The following SGCD variants were observed in gnomAD, a reference collection of about 807,000 sequenced individuals.
SGCD encodes delta-sarcoglycan.
In SGCD, 18 loss-of-function variants were observed where a neutral mutation model predicts 36.6. That is an observed-to-expected ratio of 0.49 (90% CI 0.34 to 0.73). The LOEUF (loss-of-function observed/expected upper bound fraction) is 0.73, where lower values mean the gene tolerates loss of function less well. Ranked by LOEUF, SGCD falls within the 30% of genes least tolerant of loss-of-function variation. The pLI, the probability that SGCD is intolerant of heterozygous loss-of-function variation, is 0.01. For synonymous variants in SGCD, 133 were observed against 130.6 expected (o/e 1.02, Z -0.12); for missense variants, 387 against 346.7 (o/e 1.12, Z -0.92).
At chr5:156,148,884 T>G (rs1762769977) in intron 3 of SGCD, among the ~76,000 whole-genome samples, 1 of 152,166 alleles carries the variant, frequency 6.6e-6, no homozygotes, top group Non-Finnish European at 1.5e-5. Flanking sequence ...TAATCTAAAG[T>G]GGGCCCTGGT....
At chr5:156,273,493 G>A (rs149392694) in intron 3 of SGCD, among the ~76,000 whole-genome samples, 143 of 152,276 alleles carry the variant, frequency 9.4e-4, no homozygotes, top group Admixed American at 2.6e-3. Context: ...CAATAGAGCA[G>A]TCTTACTGGC....
chr5:155,952,403 C>T, intron 1 of SGCD, among the ~76,000 whole-genome samples: 1 of 151,766 alleles, frequency 6.6e-6, no homozygotes, highest in Non-Finnish European at 1.5e-5. Context: ...TGTTAGTTGG[C>T]CTTTAGGTGT....
intron 3 of SGCD, among the ~76,000 whole-genome samples, chr5:156,191,018 T>C (rs1370954388): frequency 6.6e-6 from 1 of 152,110 alleles, no homozygotes; most frequent in Non-Finnish European, 1.5e-5. Flanking sequence ...GGCAAACATG[T>C]CAAAAGGGGA....
intron 3 of SGCD, among the ~76,000 whole-genome samples, chr5:156,314,103 T>C (rs543613634): frequency 1.3e-5 from 2 of 152,018 alleles, no homozygotes; most frequent in South Asian, 4.2e-4. Context: ...CAAAGAGTGC[T>C]TAGGGAAAAA....
intron 3 of SGCD, among the ~76,000 whole-genome samples, chr5:156,370,332 G>A (rs1770318705): frequency 6.6e-6 from 1 of 152,072 alleles, no homozygotes; most frequent in East Asian, 1.9e-4. Context: ...GGAAGAGGGA[G>A]GAGAATTCCC....
At chr5:156,240,124 A>T (rs1179624368) in intron 3 of SGCD, among the ~76,000 whole-genome samples, 10 of 152,128 alleles carry the variant, frequency 6.6e-5, no homozygotes, top group Non-Finnish European at 1.5e-4. Flanking sequence ...GTTGCCAGAG[A>T]GTTTCTTTTT....
intron 3 of SGCD, among the ~76,000 whole-genome samples, chr5:156,204,311 C>A (rs1228960925): frequency 1.3e-5 from 2 of 152,002 alleles, no homozygotes; most frequent in African/African-American, 2.4e-5. Context: ...ATGGTGGTGA[C>A]TTTGTAGCTC....
At chr5:155,953,161 G>A (rs554811492) in intron 1 of SGCD, among the ~76,000 whole-genome samples, 11 of 152,056 alleles carry the variant, frequency 7.2e-5, no homozygotes, top group East Asian at 1.9e-4. Flanking sequence ...GATTTTAGCC[G>A]TCTGTTCCTT....
intron 7 of SGCD, among the ~76,000 whole-genome samples, chr5:156,750,188 A>G (rs575352253): frequency 2.0e-5 from 3 of 152,152 alleles, no homozygotes; most frequent in African/African-American, 7.2e-5. Flanking sequence ...TGGCAAAATG[A>G]GAATAGAAGA....
chr5:156,187,468 G>C (rs530758177), intron 3 of SGCD, among the ~76,000 whole-genome samples: 102 of 141,872 alleles, frequency 7.2e-4, no homozygotes, highest in Non-Finnish European at 1.4e-3. Flanking sequence ...TAGACATATA[G>C]TCTCTAGCCC....
intron 7 of SGCD, among the ~76,000 whole-genome samples, chr5:156,711,854 CAA>C (rs1489954308): frequency 6.6e-6 from 1 of 152,152 alleles, no homozygotes; most frequent in Non-Finnish European, 1.5e-5. Flanking sequence ...AGTAGAGAGA[CAA>C]AAGAATGGCT....
In SGCD at chr5:156,309,261, A is replaced by G. The variant is rs529740380; in HGVS notation, c.-43-20273A>G. The stretch of plus-strand genomic sequence containing the variant: ...GTTCTCTCTCTTTTTTCCATCTAGA[A>G]AATGATGCATATATTTATCTGCTTG... On this transcript the variant is annotated intron_variant, in intron 3 of 9. Coordinates refer to the SGCD transcript ENST00000517913. Among the ~76,000 whole-genome samples the G allele has an allele frequency of 8.5e-5, 13 of 152,234 alleles. No homozygotes were observed. In the South Asian group the frequency reaches 2.7e-3, roughly 32 times the overall value.
At chr5:156,689,425 G>A (rs1398947892) in intron 7 of SGCD, among the ~76,000 whole-genome samples, 2 of 152,110 alleles carry the variant, frequency 1.3e-5, no homozygotes, top group African/African-American at 4.8e-5. Context: ...AGTCTAGAAA[G>A]GGCAGTACCA....
chr5:155,820,129 G>A, the SGCD span, among the ~76,000 whole-genome samples: 1 of 152,164 alleles, frequency 6.6e-6, no homozygotes, highest in African/African-American at 2.4e-5. Context: ...GGGTCATGTT[G>A]AGGGACTAGG....
At chr5:156,190,093 G>T (rs978052919) in intron 3 of SGCD, among the ~76,000 whole-genome samples, 1 of 152,098 alleles carries the variant, frequency 6.6e-6, no homozygotes. Flanking sequence ...AGTGGAATTG[G>T]GTGTGTACAG....
chr5:156,077,580 C>G (rs1283634737), intron 1 of SGCD, among the ~76,000 whole-genome samples: 1 of 152,124 alleles, frequency 6.6e-6, no homozygotes, highest in Admixed American at 6.6e-5. Flanking sequence ...GGAGTTTTCA[C>G]TTTTGACTCA....
intron 1 of SGCD, among the ~76,000 whole-genome samples, chr5:155,971,275 A>G (rs1391839065): frequency 6.6e-6 from 1 of 152,160 alleles, no homozygotes; most frequent in Non-Finnish European, 1.5e-5. Flanking sequence ...AACATGTCTA[A>G]TAAGCCAAGT....
At chr5:155,984,417 G>A (rs779062421) in intron 1 of SGCD, among the ~76,000 whole-genome samples, 1 of 152,194 alleles carries the variant, frequency 6.6e-6, no homozygotes, top group East Asian at 1.9e-4. Flanking sequence ...AAATTATAAA[G>A]CTAATAGCCC....
At chr5:156,613,636 C>T (rs1761911445) in intron 6 of SGCD, among the ~76,000 whole-genome samples, 1 of 152,178 alleles carries the variant, frequency 6.6e-6, no homozygotes, top group Non-Finnish European at 1.5e-5. Context: ...AATGCTAACT[C>T]TCAAGCTATA....
Sources: allele counts gnomAD v4.1 joint callset (sites outside exome capture counted in the v4.1 genomes callset), GRCh38; gene constraint gnomAD v4.1.1; transcripts MANE v1.5; gene names NCBI Gene and HGNC (gene_info 2026-07-23, HGNC 2026-07-21).